The following KATNIP variants were observed in gnomAD, a reference collection of about 807,000 sequenced individuals.
KATNIP encodes katanin-interacting protein.
A neutral mutation model predicts 174.0 loss-of-function variants in KATNIP; 126 were observed. The observed-to-expected ratio is 0.72, with a 90% CI of 0.63 to 0.84. The LOEUF (loss-of-function observed/expected upper bound fraction) is 0.84, where lower values mean the gene tolerates loss of function less well. Ranked by LOEUF, KATNIP falls within the 40% of genes least tolerant of loss-of-function variation. KATNIP has a pLI of 0.00. For synonymous variants in KATNIP, 810 were observed against 835.7 expected (o/e 0.97, Z 0.53); for missense variants, 1,958 against 2,109.7 (o/e 0.93, Z 1.41).
intron 5 of KATNIP, among the ~76,000 whole-genome samples, chr16:27,648,166 G>T (rs1463186640): frequency 6.6e-6 from 1 of 152,032 alleles, no homozygotes; most frequent in African/African-American, 2.4e-5. Context: ...GGTGGCAGGT[G>T]CCTGTTGTCC....
Position 27,740,511 on chromosome 16 carries a change from C to G in KATNIP, c.2214C>G (p.Asn738Lys), listed in dbSNP as rs1444037399. Residue 738 changes from asparagine to lysine, a missense_variant, in exon 15 of 28, where the codon AAC becomes AAG. Coordinates refer to ENST00000261588, the MANE Select transcript of KATNIP (RefSeq NM_015202.5). ...EEPSLIQQLE[N>K]LMGRKICEPP... The stretch of plus-strand genomic sequence containing the variant: ...CCTCTCTCATCCAACAACTGGAAAA[C>G]CTCATGGGCAGAAAAATCTGTGAGC... The G allele has an allele frequency of 6.2e-7, 1 of 1,614,146 alleles. No homozygotes were observed. Among genetic ancestry groups the G allele is most frequent in the African/African-American group, 1.3e-5 (1 of 75,042 alleles).
At chr16:27,656,790 G>A (rs2077305599) in intron 6 of KATNIP, among the ~76,000 whole-genome samples, 1 of 137,664 alleles carries the variant, frequency 7.3e-6, no homozygotes, top group Non-Finnish European at 1.6e-5. Context: ...GGACTGTGGT[G>A]GGGAGGGGAG....
At chr16:27,680,849 C>T (rs990971462) in intron 7 of KATNIP, among the ~76,000 whole-genome samples, 9 of 152,296 alleles carry the variant, frequency 5.9e-5, no homozygotes, top group Admixed American at 1.3e-4. Context: ...TGCTTGCCAC[C>T]GTACACAGCT....
intron 14 of KATNIP, among the ~76,000 whole-genome samples, chr16:27,739,354 G>A (rs1028260650): frequency 2.0e-5 from 3 of 152,176 alleles, no homozygotes; most frequent in African/African-American, 4.8e-5. Flanking sequence ...TTGGAGTGCC[G>A]CAGAGGGCCC....
chr16:27,578,083 C>T (rs2090564929), intron 2 of KATNIP, among the ~76,000 whole-genome samples: 1 of 152,144 alleles, frequency 6.6e-6, no homozygotes, highest in African/African-American at 2.4e-5. Context: ...GGTGTGCAAC[C>T]TGGGCATCAG....
chr16:27,632,773 CAG>C (rs1221446196), intron 5 of KATNIP, among the ~76,000 whole-genome samples: 1 of 151,680 alleles, frequency 6.6e-6, no homozygotes, highest in African/African-American at 2.4e-5. Flanking sequence ...TTTTTTGAGA[CAG>C]AGTCTCGCTC....
At chr16:27,650,545 A>G (rs933370804) in intron 6 of KATNIP, among the ~76,000 whole-genome samples, 5 of 152,234 alleles carry the variant, frequency 3.3e-5, no homozygotes, top group Non-Finnish European at 5.9e-5. Flanking sequence ...CCCCGGCTGC[A>G]TATTCAGTGA....
chr16:27,561,011 T>C (rs2081974500), intron 1 of KATNIP, among the ~76,000 whole-genome samples: 1 of 150,886 alleles, frequency 6.6e-6, no homozygotes, highest in African/African-American at 2.4e-5. Context: ...CTTTTTGTCT[T>C]TTTTTTTTCT....
At chr16:27,761,362 G>A in intron 18 of KATNIP, 51 bp from the exon 19 acceptor site, 1 of 1,518,204 alleles carries the variant, frequency 6.6e-7, no homozygotes, top group Non-Finnish European at 8.9e-7. Flanking sequence ...CATTTTAGAT[G>A]CCTCCTCTGG....
chr16:27,682,023 C>T (rs961168518), intron 8 of KATNIP, among the ~76,000 whole-genome samples: 2 of 152,194 alleles, frequency 1.3e-5, no homozygotes, highest in Non-Finnish European at 1.5e-5. Context: ...GTCAAGCCAA[C>T]GCATTAAAGT....
At chr16:27,611,943 C>T (rs1159394806) in intron 2 of KATNIP, among the ~76,000 whole-genome samples, 2 of 152,094 alleles carry the variant, frequency 1.3e-5, no homozygotes, top group African/African-American at 2.4e-5. Flanking sequence ...GCAAGGGAAG[C>T]CTTCATGGGG....
chr16:27,658,998 C>T (rs1039418705), intron 6 of KATNIP, among the ~76,000 whole-genome samples: 6 of 151,898 alleles, frequency 4.0e-5, no homozygotes, highest in African/African-American at 1.5e-4. Flanking sequence ...AACTTCTAAC[C>T]TCAAGTGATA....
chr16:27,739,288 C>T (rs2081015672), intron 14 of KATNIP, among the ~76,000 whole-genome samples: 1 of 152,130 alleles, frequency 6.6e-6, no homozygotes, highest in African/African-American at 2.4e-5. Flanking sequence ...GCCACTGCTT[C>T]AATGATGGAG....
At chr16:27,656,623 G>A (rs969324762) in intron 6 of KATNIP, among the ~76,000 whole-genome samples, 3 of 150,466 alleles carry the variant, frequency 2.0e-5, no homozygotes, top group Non-Finnish European at 4.4e-5. Context: ...AAAATGATGA[G>A]TTCATGTCCT....
intron 18 of KATNIP, among the ~76,000 whole-genome samples, chr16:27,756,620 T>TC (rs2081739344): frequency 6.6e-6 from 1 of 152,076 alleles, no homozygotes; most frequent in African/African-American, 2.4e-5. Context: ...AGAGTCAGTG[T>TC]CCCCCATGAA....
Position 27,721,672 on chromosome 16 carries a change from C to A in KATNIP, c.1720C>A (p.Arg574=), listed in dbSNP as rs147973877. 6.2e-7 allele frequency: 1 copy of A among 1,614,110 alleles called. No homozygotes were observed. The highest frequency in any genetic ancestry group is 8.5e-7 in the Non-Finnish European group (1 of 1,180,032). ...CTTCCATCTGGCCAAGATCAAGGTT[C>A]GGAATTACTGGACAGCTGATGGCGT... ...GDFHLAKIKV[R]NYWTADGDLD... The change falls in exon 14 of 28, where the codon CGG becomes AGG. Residue 574 remains arginine, a synonymous_variant. Coordinates refer to ENST00000261588, the MANE Select transcript of KATNIP (RefSeq NM_015202.5).
chr16:27,631,853 T>C (rs2076500301), intron 5 of KATNIP, among the ~76,000 whole-genome samples: 1 of 152,256 alleles, frequency 6.6e-6, no homozygotes, highest in African/African-American at 2.4e-5. Context: ...GATGCCATTT[T>C]GGGTTGCAGC....
In KATNIP at chr16:27,777,588, G is replaced by T. The variant is rs756487627; in HGVS notation, c.4552-22G>T. 1.4e-5 allele frequency: 23 copies of T among 1,593,872 alleles called. No individual in the cohort carries two copies. Among genetic ancestry groups the T allele is most frequent in the Non-Finnish European group, 1.9e-5 (22 of 1,168,704 alleles). The stretch of plus-strand genomic sequence containing the variant: ...TGGGAGGGACGAGGGGGACCCATGA[G>T]TCCTGCCCCGTGTCCCTGCAGCTCC... On this transcript the variant is annotated intron_variant, in intron 25 of 27. Transcript: ENST00000261588. This position sits in a 1 kb window ranked among gnomAD's most constrained non-coding sequence, Gnocchi z 4.4.
At chr16:27,629,043 C>T (rs974355140) in intron 4 of KATNIP, among the ~76,000 whole-genome samples, 3 of 151,974 alleles carry the variant, frequency 2.0e-5, no homozygotes, top group African/African-American at 7.3e-5. Context: ...TGGCATGCAC[C>T]TGTAGTCCCA....
Sources: allele counts gnomAD v4.1 joint callset (sites outside exome capture counted in the v4.1 genomes callset), GRCh38; gene constraint gnomAD v4.1.1; non-coding constraint Gnocchi (gnomAD v3.1); transcripts MANE v1.5; gene names NCBI Gene and HGNC (gene_info 2026-07-23, HGNC 2026-07-21).